SLC5A10: variants seen among roughly 807,000 people sequenced by gnomAD.
SLC5A10 encodes sodium/mannose cotransporter SLC5A10.
A neutral mutation model predicts 68.9 loss-of-function variants in SLC5A10; 55 were observed. That is an observed-to-expected ratio of 0.80 (90% CI 0.64 to 1.00). SLC5A10 has a LOEUF of 1.00. Ranked by LOEUF, SLC5A10 falls within the 50% of genes least tolerant of loss-of-function variation. The pLI is 0.00. For missense variants in SLC5A10, 732 were observed against 819.3 expected (o/e 0.89, Z 1.30); for synonymous variants, 344 against 344.8 (o/e 1.00, Z 0.02).
rs538911586 is a variant in SLC5A10, at chr17:18,960,193, C to A, written c.349-355C>A. ...TCCCCAGCTCTGCCCCTCACAGCCA[C>A]CTCCCTCATCCAGCCTCATCATAGT... On this transcript the variant is annotated intron_variant, in intron 4 of 14. Transcript: ENST00000395645. Among the ~76,000 whole-genome samples the A allele has an allele frequency of 1.1e-4, 16 of 152,326 alleles. No homozygotes were observed. In the South Asian group the frequency reaches 3.3e-3, roughly 32 times the overall value.
chr17:18,966,058 A>G (rs2042702660), intron 5 of SLC5A10, among the ~76,000 whole-genome samples: 1 of 152,208 alleles, frequency 6.6e-6, no homozygotes, highest in Non-Finnish European at 1.5e-5. Flanking sequence ...AAAAGTGGCA[A>G]GTCAGCAGGG....
chr17:18,958,760 G>A lies in SLC5A10; in HGVS notation c.183+7G>A. The A allele has an allele frequency of 1.2e-6, 2 of 1,614,026 alleles. No homozygotes were observed. The highest frequency in any genetic ancestry group is 1.7e-6 in the Non-Finnish European group (2 of 1,179,906). ...GGACATGACGTGGTGGCCGGTGAGT[G>A]CACCCTGACTTCTCACACACCCCCA... On this transcript the variant is annotated splice_region_variant and intron_variant, in intron 2 of 14. Transcript: ENST00000395645.
At chr17:18,999,999 G>A (rs2043688152) in intron 9 of SLC5A10, among the ~76,000 whole-genome samples, 1 of 152,230 alleles carries the variant, frequency 6.6e-6, no homozygotes, top group Admixed American at 6.5e-5. Context: ...TCTACATCCA[G>A]CTCTGGCTGA....
In SLC5A10 at chr17:18,968,923, A is replaced by G. The variant is rs553179735; in HGVS notation, c.454-129A>G. On this transcript the variant is annotated intron_variant, in intron 5 of 14. Transcript: ENST00000395645. This position sits in a 1 kb window ranked among gnomAD's most constrained non-coding sequence, Gnocchi z 4.1. The stretch of plus-strand genomic sequence containing the variant: ...GCCCCGTGATGCAGGCAGGCAGGCG[A>G]GTGGGGGTCTCCCCTCCTTATCCAC... 1.3e-6 allele frequency: 1 copy of G among 757,558 alleles called. No individual in the cohort carries two copies. The highest frequency in any genetic ancestry group is 1.8e-5 in the African/African-American group (1 of 56,750). 46.9% of individuals were successfully genotyped at this position (757,558 alleles called of 1,614,324 possible).
intron 1 of SLC5A10, 88 bp downstream of exon 1, chr17:18,952,404 G>T: frequency 6.8e-7 from 1 of 1,460,656 alleles, no homozygotes; most frequent in South Asian, 1.3e-5. Flanking sequence ...TCCCTGTGGT[G>T]TCAGCATTGG....
rs1052725275 is a variant in SLC5A10, at chr17:18,996,705, C to T, written c.983-16705C>T. Among the ~76,000 whole-genome samples the T allele has an allele frequency of 5.3e-5, 8 of 152,176 alleles. No individual in the cohort carries two copies. The highest frequency in any genetic ancestry group is 1.9e-4 in the African/African-American group (8 of 41,432). The stretch of plus-strand genomic sequence containing the variant: ...CAGGGAGGGGTGGTGATGGCCACTC[C>T]CATTTTCCAGAGGGGGTGTCACTGT... On this transcript the variant is annotated intron_variant, in intron 9 of 14. Coordinates refer to ENST00000395645, the MANE Select transcript of SLC5A10 (RefSeq NM_001042450.4). This position sits in a 1 kb window ranked among gnomAD's most constrained non-coding sequence, Gnocchi z 4.4.
intron 9 of SLC5A10, among the ~76,000 whole-genome samples, chr17:18,989,685 C>T (rs2043362475): frequency 6.6e-6 from 1 of 152,350 alleles, no homozygotes; most frequent in East Asian, 1.9e-4. Context: ...TGCCCGTTTG[C>T]TGCCTTTCTC....
intron 7 of SLC5A10, 58 bp downstream of exon 7, chr17:18,969,480 C>A: frequency 6.7e-7 from 1 of 1,493,946 alleles, no homozygotes. Context: ...CCTTTGGAGT[C>A]TGGCACTGCC....
intron 9 of SLC5A10, among the ~76,000 whole-genome samples, chr17:18,995,104 C>T (rs2043530007): frequency 6.6e-6 from 1 of 152,114 alleles, no homozygotes; most frequent in East Asian, 1.9e-4. Context: ...ATCCAACATG[C>T]CCGGTATCCA....
rs561582821 is a variant in SLC5A10 at position 18,960,696 on chromosome 17, G to A, written c.453+44G>A. 1.0e-4 allele frequency: 162 copies of A among 1,564,560 alleles called. 1 individual carries two copies. The Admixed American group carries it at 2.3e-3, about 22-fold the overall frequency. Reference sequence around the variant, plus strand: ...CCTGCTGGCATAGCCTGGAAACATCGCCAATCTGTGGGCCCCTCAAGAGGA... The same window carrying A: ...CCTGCTGGCATAGCCTGGAAACATCACCAATCTGTGGGCCCCTCAAGAGGA... On this transcript the variant is annotated intron_variant, in intron 5 of 14. Transcript: ENST00000395645.
At chr17:19,008,558 G>A (rs1247596753) in intron 9 of SLC5A10, among the ~76,000 whole-genome samples, 2 of 149,642 alleles carry the variant, frequency 1.3e-5, no homozygotes, top group South Asian at 2.1e-4. Flanking sequence ...GGCGTGCAGT[G>A]TCACGATCTC....
chr17:19,005,390 G>T (rs2043856780), intron 9 of SLC5A10, among the ~76,000 whole-genome samples: 1 of 119,600 alleles, frequency 8.4e-6, no homozygotes, highest in South Asian at 2.8e-4. Context: ...GCGTCCCCTG[G>T]GGTTGGGACC....
intron 9 of SLC5A10, among the ~76,000 whole-genome samples, chr17:19,006,099 G>A (rs190333804): frequency 1.2e-3 from 181 of 152,354 alleles, no homozygotes; most frequent in African/African-American, 4.3e-3. Context: ...CACTTCTGCA[G>A]TTGATGAGCA....
At position 19,000,876 on chromosome 17, in the gene SLC5A10, C is replaced by T. The variant is rs551766615; in HGVS notation, c.983-12534C>T. Reference sequence around the variant, plus strand: ...CGCCCCGTCAGCATCCGTCAGTGTCCGGGCCCTGCCCCTGTGAGCCTGGGA... The same window carrying T: ...CGCCCCGTCAGCATCCGTCAGTGTCTGGGCCCTGCCCCTGTGAGCCTGGGA... On this transcript the variant is annotated intron_variant, in intron 9 of 14. Transcript: ENST00000395645. This position sits in a 1 kb window ranked among gnomAD's most constrained non-coding sequence, Gnocchi z 5.2. 7.9e-5 allele frequency among the ~76,000 whole-genome samples: 12 copies of T among 152,240 alleles called. No individual in the cohort carries two copies. The highest frequency in any genetic ancestry group is 2.9e-4 in the African/African-American group (12 of 41,542).
At chr17:18,973,681 T>G (rs1048026720) in intron 8 of SLC5A10, among the ~76,000 whole-genome samples, 1 of 152,084 alleles carries the variant, frequency 6.6e-6, no homozygotes, top group Admixed American at 6.6e-5. Flanking sequence ...AGCAGTTCTG[T>G]GTGTTGAGAC....
At chr17:18,960,762 G>A (rs2042598813) in intron 5 of SLC5A10, 110 bp downstream of exon 5, 1 of 1,123,320 alleles carries the variant, frequency 8.9e-7, no homozygotes, top group Non-Finnish European at 1.3e-6. Flanking sequence ...TTTAACAGCT[G>A]GGCAAATTGA....
At chr17:18,987,755 C>T (rs959996732) in intron 9 of SLC5A10, among the ~76,000 whole-genome samples, 2 of 152,224 alleles carry the variant, frequency 1.3e-5, no homozygotes, top group Non-Finnish European at 2.9e-5. Flanking sequence ...CTTCCCTGGC[C>T]CCAGCCTGAG....
chr17:18,960,730 C>G, intron 5 of SLC5A10, 78 bp downstream of exon 5: 1 of 1,329,876 alleles, frequency 7.5e-7, no homozygotes, highest in Non-Finnish European at 1.1e-6. Flanking sequence ...GACCTGACAT[C>G]TTCTCATTCA....
chr17:19,019,428 T>C lies in SLC5A10; in HGVS notation c.1247T>C (p.Val416Ala), dbSNP rs757389443. Residue 416 changes from valine (V) to alanine (A), a missense_variant, in exon 12 of 15, where the codon GTC (valine) becomes GCC (alanine). Coordinates refer to ENST00000395645, the MANE Select transcript of SLC5A10 (RefSeq NM_001042450.4). ...ERELLLVGRL[V>A]IVALIGVSVA... ...TGCCTTCCACTCGCCTGCAGGCTGG[T>C]CATAGTGGCACTCATCGGCGTGAGT... The C allele has an allele frequency of 1.2e-6, 2 of 1,609,862 alleles. No homozygotes were observed. The highest frequency in any genetic ancestry group is 3.3e-5 in the Admixed American group (2 of 59,954).
Sources: allele counts gnomAD v4.1 joint callset (sites outside exome capture counted in the v4.1 genomes callset), GRCh38; gene constraint gnomAD v4.1.1; non-coding constraint Gnocchi (gnomAD v3.1); transcripts MANE v1.5; gene names NCBI Gene and HGNC (gene_info 2026-07-23, HGNC 2026-07-21).